The following DYNC2I2 variants were observed in gnomAD, a reference collection of about 807,000 sequenced individuals.
DYNC2I2 encodes the protein cytoplasmic dynein 2 intermediate chain 2.
DYNC2I2 carries 39 observed loss-of-function variants against 52.0 expected under a neutral mutation model. The observed-to-expected ratio is 0.75, with a 90% CI of 0.58 to 0.98. The LOEUF (loss-of-function observed/expected upper bound fraction) is 0.98. Ranked by LOEUF, DYNC2I2 falls within the 50% of genes least tolerant of loss-of-function variation. DYNC2I2 has a pLI of 0.00. For missense variants in DYNC2I2, 743 were observed against 728.4 expected (o/e 1.02, Z -0.23); for synonymous variants, 359 against 321.1 (o/e 1.12, Z -1.26).
Position 128,634,933 on chromosome 9 carries a change from T to C in DYNC2I2, c.982-12A>G. 2 of 1,610,950 alleles carry C rather than the reference T, an allele frequency of 1.2e-6. No homozygotes were observed. Among genetic ancestry groups the C allele is most frequent in the Non-Finnish European group, 1.7e-6 (2 of 1,179,078 alleles). ...TCCCCGCGGGGATGCTGTGGAGAAA[T>C]GGCAGCAGCAGGGTCAGAGCCAAGG... On this transcript the variant is annotated splice_polypyrimidine_tract_variant and intron_variant, in intron 6 of 8. Coordinates refer to ENST00000372715, the MANE Select transcript of DYNC2I2 (RefSeq NM_052844.4).
intron 1 of DYNC2I2, among the ~76,000 whole-genome samples, chr9:128,644,471 G>T (rs1860576067): frequency 6.6e-6 from 1 of 152,014 alleles, no homozygotes; most frequent in African/African-American, 2.4e-5. Context: ...TAGAGACAGG[G>T]TCTCACTATA....
chr9:128,658,078 G>C (rs1288209550), upstream of DYNC2I2, among the ~76,000 whole-genome samples: 1 of 151,862 alleles, frequency 6.6e-6, no homozygotes, highest in African/African-American at 2.4e-5. Context: ...CTGGACAAGA[G>C]AGTGAGACCC....
the DYNC2I2 span, chr9:128,683,330 G>T: frequency 5.7e-6 from 1 of 176,584 alleles, no homozygotes; most frequent in Non-Finnish European, 1.2e-5. Context: ...TTCTTGATTG[G>T]GAAATCTTTT....
chr9:128,636,678 G>A (rs1860421578), intron 3 of DYNC2I2, among the ~76,000 whole-genome samples: 1 of 152,188 alleles, frequency 6.6e-6, no homozygotes, highest in South Asian at 2.1e-4. Context: ...AGCAGCTGGT[G>A]GGGCGGGCGA....
chr9:128,634,094 G>C, intron 8 of DYNC2I2, 112 bp from the exon 9 acceptor site: 18 of 1,550,012 alleles, frequency 1.2e-5, no homozygotes, highest in Non-Finnish European at 1.6e-5. Context: ...CAGTGGCTTT[G>C]AGTTGGGTTG....
At chr9:128,662,220 G>A in the DYNC2I2 span, among the ~76,000 whole-genome samples, 2 of 151,316 alleles carry the variant, frequency 1.3e-5, no homozygotes, top group Non-Finnish European at 2.9e-5. Flanking sequence ...GCAACAGCGC[G>A]AGACTCCGTC....
Position 128,635,114 on chromosome 9 carries a change from G to A in DYNC2I2, c.959C>T (p.Pro320Leu), listed in dbSNP as rs770584400. 11 of 1,612,376 alleles carry A rather than the reference G, an allele frequency of 6.8e-6. No individual in the cohort carries two copies. The change falls in exon 6 of 9, where the codon CCA (proline) becomes CTA (leucine). Residue 320 changes from proline to leucine, a missense_variant. Coordinates refer to ENST00000372715, the MANE Select transcript of DYNC2I2 (RefSeq NM_052844.4). Reference protein sequence around the residue: ...EGFALVMQQLPRSTKLKKHPR... With the variant: ...EGFALVMQQLLRSTKLKKHPR... ...TACCTTCTTGAGCTTGGTGCTCCGT[G>A]GCAGCTGCTGCATGACCAGGGCGAA...
At chr9:128,653,032 C>T (rs1045230986) in intron 1 of DYNC2I2, among the ~76,000 whole-genome samples, 3 of 150,502 alleles carry the variant, frequency 2.0e-5, no homozygotes, top group Non-Finnish European at 4.4e-5. Context: ...AGTTCAAGAC[C>T]AGCCTGGCCA....
upstream of DYNC2I2, among the ~76,000 whole-genome samples, chr9:128,657,462 A>T (rs1159429577): frequency 6.6e-6 from 1 of 152,030 alleles, no homozygotes; most frequent in Non-Finnish European, 1.5e-5. Context: ...CACCGGAATT[A>T]AAAAAACTGG....
At chr9:128,660,596 C>G (rs1021209884), upstream of DYNC2I2, among the ~76,000 whole-genome samples, 1 of 151,894 alleles carries the variant, frequency 6.6e-6, no homozygotes, top group South Asian at 2.1e-4. Context: ...AGGCTTTCAC[C>G]ATGTTAGCCA....
chr9:128,665,616 A>G, the DYNC2I2 span, among the ~76,000 whole-genome samples: 4 of 152,010 alleles, frequency 2.6e-5, no homozygotes, highest in Admixed American at 2.0e-4. Context: ...CTAAAAATAC[A>G]AAAATTAGCT....
At chr9:128,645,616 C>CAAAAAAAAAAAAAA (rs59742854) in intron 1 of DYNC2I2, among the ~76,000 whole-genome samples, 1 of 63,924 alleles carries the variant, frequency 1.6e-5, no homozygotes, top group African/African-American at 6.0e-5. Context: ...GACTCCATCT[C>CAAAAAAAAAAAAAA]AAAAAAAAAA....
intron 8 of DYNC2I2, 111 bp downstream of exon 8, chr9:128,634,115 G>A: frequency 6.4e-7 from 1 of 1,560,326 alleles, no homozygotes; most frequent in Non-Finnish European, 8.7e-7. Context: ...CTGGAGGGAA[G>A]CCGTCCTTAC....
At chr9:128,643,179 G>A (rs1860550241) in intron 1 of DYNC2I2, among the ~76,000 whole-genome samples, 1 of 152,090 alleles carries the variant, frequency 6.6e-6, no homozygotes, top group East Asian at 1.9e-4. Context: ...GAGTCTAGGA[G>A]TTTGAGACCA....
rs199987486 is a variant in DYNC2I2, at chr9:128,640,802, G to A, written c.324C>T (p.Leu108=). The A allele has an allele frequency of 3.3e-5, 54 of 1,614,184 alleles. No individual in the cohort carries two copies. In the South Asian group the frequency reaches 3.6e-4, roughly 11 times the overall value. ...CCTCCACTCTCCGAAGAAAGGCTGC[G>A]AGCCTGGGTATGTCATACTGGGACG... ...QPPSQYDIPR[L]AAFLRRVEAM... Residue 108 remains leucine (L), a synonymous_variant, in exon 2 of 9, where the codon CTC becomes CTT. Transcript: ENST00000372715.
the DYNC2I2 span, among the ~76,000 whole-genome samples, chr9:128,665,330 C>G: frequency 2.6e-5 from 4 of 152,048 alleles, no homozygotes; most frequent in East Asian, 7.7e-4. Context: ...GGAATACAGG[C>G]GTGAGCCACC....
intron 5 of DYNC2I2, 134 bp downstream of exon 5, chr9:128,635,524 A>C (rs1860386191): frequency 5.7e-6 from 5 of 879,350 alleles, no homozygotes; most frequent in Non-Finnish European, 8.8e-6. Context: ...GGGGTGACTC[A>C]TGCTGCGGGA....
chr9:128,667,561 C>T, the DYNC2I2 span, among the ~76,000 whole-genome samples: 3 of 147,510 alleles, frequency 2.0e-5, no homozygotes, highest in Non-Finnish European at 3.0e-5. Flanking sequence ...GTGATCCGCC[C>T]GCCTCGTCCT....
Position 128,636,441 on chromosome 9 carries a change from G to T in DYNC2I2, c.546-3C>A. 3.1e-6 allele frequency: 5 copies of T among 1,601,140 alleles called. No individual in the cohort carries two copies. Among genetic ancestry groups the T allele is most frequent in the Non-Finnish European group, 4.2e-6 (5 of 1,176,946 alleles). On this transcript the variant is annotated splice_region_variant and splice_polypyrimidine_tract_variant and intron_variant, in intron 3 of 8. Transcript: ENST00000372715. ...TGCTCCAGTCCCCATGGTCCAGCCT[G>T]TGCAGGGACAGGCTTGAGCCGGCTG... is the stretch of plus-strand genomic sequence containing the variant.
Sources: gnomAD v4.1 joint callset for allele counts (sites outside exome capture counted in the v4.1 genomes callset) on GRCh38, gnomAD v4.1.1 for gene constraint, MANE v1.5 for transcripts, NCBI Gene and HGNC (gene_info 2026-07-23, HGNC 2026-07-21) for gene names.